Variants in PTCHD1 observed in about 807,000 individuals in gnomAD.
PTCHD1 encodes patched domain containing 1.
In PTCHD1, 3 loss-of-function variants were observed where a neutral mutation model predicts 34.6. The observed-to-expected ratio is 0.09, with a 90% CI of 0.04 to 0.22. PTCHD1 has a LOEUF of 0.22. Ranked by LOEUF, PTCHD1 falls within the 10% of genes least tolerant of loss-of-function variation. The pLI, the probability that PTCHD1 is intolerant of heterozygous loss-of-function variation, is 1.00. For missense variants in PTCHD1, 504 were observed against 685.5 expected (o/e 0.74, Z 2.96); for synonymous variants, 305 against 283.1 (o/e 1.08, Z -0.77).
chrX:23,336,120 T>C (rs1418919831), intron 1 of PTCHD1, among the ~76,000 whole-genome samples: 1 of 110,550 alleles, frequency 9.0e-6, no homozygotes, highest in Non-Finnish European at 1.9e-5. Flanking sequence ...TGCCATCAGC[T>C]TGAGGTGGGA....
chrX:23,392,604 G>C lies in PTCHD1; in HGVS notation c.1086G>C (p.Glu362Asp), dbSNP rs754902047. 2 of 1,208,316 alleles carry C rather than the reference G, an allele frequency of 1.7e-6. No individual in the cohort carries two copies. The highest frequency in any genetic ancestry group is 1.8e-5 in the South Asian group (1 of 56,894). ...CTAGAGAAGACCAACATGTTAAAGA[G>C]AGAACTGCAGCAGTCTATGCAGACT... ...RKTREDQHVK[E>D]RTAAVYADSM... Residue 362 changes from glutamate to aspartate, a missense_variant, in exon 3 of 3, where the codon GAG becomes GAC. By Grantham distance (45) the Glu-to-Asp change is conservative. Coordinates refer to ENST00000379361, the MANE Select transcript of PTCHD1 (RefSeq NM_173495.3).
intron 2 of PTCHD1, among the ~76,000 whole-genome samples, chrX:23,388,735 G>A (rs771944983): frequency 3.6e-5 from 4 of 111,969 alleles, no homozygotes; most frequent in Non-Finnish European, 7.5e-5. Flanking sequence ...GGAGGCTGAG[G>A]CAGGGGAATC....
At position 23,394,059 on chromosome X, in the gene PTCHD1, T is replaced by G. The variant is rs1922906179; in HGVS notation, c.2541T>G (p.Thr847=). The change falls in exon 3 of 3, where the codon ACT becomes ACG. Residue 847 remains threonine, a synonymous_variant. Coordinates refer to ENST00000379361, the MANE Select transcript of PTCHD1 (RefSeq NM_173495.3). ...TTGCCATTTTACCTGTGATACTGACTTTCCTGCCACCCTCTAAGAAAAAAA... is the reference window on the plus strand; with the variant it reads ...TTGCCATTTTACCTGTGATACTGACGTTCCTGCCACCCTCTAAGAAAAAAA... ...HCFAILPVIL[T]FLPPSKKKRK... 8.3e-7 allele frequency: 1 copy of G among 1,207,069 alleles called. No homozygotes were observed. The highest frequency in any genetic ancestry group is 2.2e-5 in the Admixed American group (1 of 45,393).
At chrX:23,387,123 C>G (rs1330169362) in intron 2 of PTCHD1, among the ~76,000 whole-genome samples, 1 of 112,225 alleles carries the variant, frequency 8.9e-6, no homozygotes, top group East Asian at 2.8e-4. Flanking sequence ...GAAAACCAAA[C>G]AACAACAAAA....
In PTCHD1 at chrX:23,399,974, T is replaced by A. The variant is rs766682447; in HGVS notation, c.*5789T>A. 7.1e-5 allele frequency: 8 copies of A among 112,073 alleles called. No homozygotes were observed. Among genetic ancestry groups the A allele is most frequent in the African/African-American group, 2.6e-4 (8 of 30,851 alleles). 9.2% of individuals were successfully genotyped at this position (112,073 alleles called of 1,213,427 possible). ...GGAAGAGCAGCCTATTTCCAGGTTATATACAGTGATATGCTGTTTACAACT... is the reference window on the plus strand; with the variant it reads ...GGAAGAGCAGCCTATTTCCAGGTTAAATACAGTGATATGCTGTTTACAACT... On this transcript the variant is annotated 3_prime_UTR_variant, in exon 3 of 3. Coordinates refer to ENST00000379361, the MANE Select transcript of PTCHD1 (RefSeq NM_173495.3).
At chrX:23,339,312 A>G (rs1921248919) in intron 1 of PTCHD1, among the ~76,000 whole-genome samples, 2 of 112,114 alleles carry the variant, frequency 1.8e-5, no homozygotes, top group Middle Eastern at 4.7e-3. Flanking sequence ...CCCCGTAGTC[A>G]TATCAAAGCG....
In PTCHD1 at chrX:23,394,287, G is replaced by A. The variant is rs1327602017; in HGVS notation, c.*102G>A. 2.8e-5 allele frequency: 8 copies of A among 290,734 alleles called. No homozygotes were observed. The highest frequency in any genetic ancestry group is 3.2e-5 in the Non-Finnish European group (6 of 187,068). 24.0% of individuals were successfully genotyped at this position (290,734 alleles called of 1,213,427 possible). ...AAAGTTCTTCCCTTTTTTAAAGATAGGAAACAGGCATTGCCAAAAAAAAAA... is the reference window on the plus strand; with the variant it reads ...AAAGTTCTTCCCTTTTTTAAAGATAAGAAACAGGCATTGCCAAAAAAAAAA... On this transcript the variant is annotated 3_prime_UTR_variant, in exon 3 of 3. Transcript: ENST00000379361.
chrX:23,339,198 G>A lies in PTCHD1; in HGVS notation c.351+3972G>A, dbSNP rs1055826985. On this transcript the variant is annotated intron_variant, in intron 1 of 2. Coordinates refer to ENST00000379361, the MANE Select transcript of PTCHD1 (RefSeq NM_173495.3). ...GAGTTAAAGAAAATTCCATAAAAAC[G>A]AATTTGAAATGTATTTACATAGTGA... Among the ~76,000 whole-genome samples, 28 of 112,002 alleles carry A rather than the reference G, an allele frequency of 2.5e-4. No individual in the cohort carries two copies. The Middle Eastern group carries it at 0.014, about 56-fold the overall frequency.
intron 1 of PTCHD1, among the ~76,000 whole-genome samples, chrX:23,365,265 C>T (rs749700275): frequency 1.6e-4 from 18 of 111,870 alleles, no homozygotes; most frequent in Non-Finnish European, 2.3e-4. Context: ...TATTCCCTAA[C>T]GGTTGAGTGT....
At chrX:23,346,598 G>A (rs747656772) in intron 1 of PTCHD1, among the ~76,000 whole-genome samples, 1 of 111,988 alleles carries the variant, frequency 8.9e-6, no homozygotes, top group African/African-American at 3.2e-5. Flanking sequence ...TGGTTAAATG[G>A]ATTTAGAAGA....
In PTCHD1 at chrX:23,398,343, T is replaced by A. The variant is rs1184246297; in HGVS notation, c.*4158T>A. 1 of 111,709 alleles carries A rather than the reference T, an allele frequency of 9.0e-6. No individual in the cohort carries two copies. The highest frequency in any genetic ancestry group is 2.8e-4 in the East Asian group (1 of 3,553). 9.2% of individuals were successfully genotyped at this position (111,709 alleles called of 1,213,427 possible). On this transcript the variant is annotated 3_prime_UTR_variant, in exon 3 of 3. Coordinates refer to ENST00000379361, the MANE Select transcript of PTCHD1 (RefSeq NM_173495.3). ...GCCACAGAAGGTAGTTAATTACCAGTCATTTTAGGACATCAAAATGAAGCT... is the reference window on the plus strand; with the variant it reads ...GCCACAGAAGGTAGTTAATTACCAGACATTTTAGGACATCAAAATGAAGCT...
chrX:23,357,897 A>G (rs781010099), intron 1 of PTCHD1, among the ~76,000 whole-genome samples: 1 of 111,261 alleles, frequency 9.0e-6, no homozygotes, highest in East Asian at 2.8e-4. Context: ...CCTATGAGTG[A>G]GAACATGCAC....
intron 1 of PTCHD1, among the ~76,000 whole-genome samples, chrX:23,349,190 A>G (rs1921558894): frequency 8.9e-6 from 1 of 111,736 alleles, no homozygotes. Context: ...GCTCAATTAA[A>G]ACCAGAGAAG....
chrX:23,366,221 T>A (rs1190455251), intron 1 of PTCHD1, among the ~76,000 whole-genome samples: 1 of 112,334 alleles, frequency 8.9e-6, no homozygotes, highest in East Asian at 2.8e-4. Flanking sequence ...TGTCTTATTT[T>A]GTCTCCCTGG....
At position 23,334,893 on chromosome X, in the gene PTCHD1, G is replaced by A. The variant is rs756043378; in HGVS notation, c.18G>A (p.Leu6=). 72 of 1,196,735 alleles carry A rather than the reference G, an allele frequency of 6.0e-5. No individual in the cohort carries two copies. Among genetic ancestry groups the A allele is most frequent in the Non-Finnish European group, 7.7e-5 (68 of 888,714 alleles). MLRQV[L]HRGLRTCFSR... ...GCTCTAGGATGCTGCGGCAGGTTCTGCACAGGGGCTTGAGGACGTGTTTCT... is the reference window on the plus strand; with the variant it reads ...GCTCTAGGATGCTGCGGCAGGTTCTACACAGGGGCTTGAGGACGTGTTTCT... Residue 6 remains leucine (L), a synonymous_variant, in exon 1 of 3, where the codon CTG becomes CTA. Coordinates refer to ENST00000379361, the MANE Select transcript of PTCHD1 (RefSeq NM_173495.3).
chrX:23,350,060 TAAAAAAAAAAAAAA>T (rs57194123), intron 1 of PTCHD1, among the ~76,000 whole-genome samples: 5 of 40,411 alleles, frequency 1.2e-4, no homozygotes, highest in Non-Finnish European at 2.1e-4. Context: ...TTAGTGCTGT[TAAAAAAAAAAAAAA>T]AAAAAAAAAA....
At chrX:23,389,889 A>G (rs1343370509) in intron 2 of PTCHD1, among the ~76,000 whole-genome samples, 2 of 112,250 alleles carry the variant, frequency 1.8e-5, no homozygotes, top group African/African-American at 6.5e-5. Flanking sequence ...ACAGAACTCA[A>G]GAGAGAAGCT....
At chrX:23,367,680 G>A (rs977648262) in intron 1 of PTCHD1, among the ~76,000 whole-genome samples, 3 of 111,354 alleles carry the variant, frequency 2.7e-5, no homozygotes, top group Admixed American at 1.9e-4. Context: ...TGCAATAGTG[G>A]GAGCATAGGT....
chrX:23,342,699 G>A (rs774539170), intron 1 of PTCHD1, among the ~76,000 whole-genome samples: 1 of 110,958 alleles, frequency 9.0e-6, no homozygotes, highest in Non-Finnish European at 1.9e-5. Flanking sequence ...ACATTTGAGA[G>A]GCACATATTC....
Sources: allele counts gnomAD v4.1 joint callset (sites outside exome capture counted in the v4.1 genomes callset), GRCh38; gene constraint gnomAD v4.1.1; transcripts MANE v1.5; gene names NCBI Gene and HGNC (gene_info 2026-07-23, HGNC 2026-07-21).